The following SPATA16 variants were observed in gnomAD, a reference collection of about 807,000 sequenced individuals.
SPATA16 encodes the protein spermatogenesis associated 16, also known as spermatogenesis-associated protein 16.
SPATA16 carries 36 observed loss-of-function variants against 63.3 expected under a neutral mutation model. The ratio of observed to expected loss-of-function variants is 0.57; its 90% CI spans 0.44 to 0.75. The LOEUF (loss-of-function observed/expected upper bound fraction) is 0.75. Ranked by LOEUF, SPATA16 falls within the 30% of genes least tolerant of loss-of-function variation. The pLI is 0.00. For missense variants in SPATA16, 646 were observed against 679.3 expected, an observed-to-expected ratio of 0.95 and a Z score of 0.54; for synonymous variants, 203 against 216.7, an observed-to-expected ratio of 0.94 and a Z score of 0.56.
intron 2 of SPATA16, among the ~76,000 whole-genome samples, chr3:173,090,289 A>T (rs553283927): frequency 9.5e-4 from 145 of 152,164 alleles, no homozygotes; most frequent in African/African-American, 3.3e-3. Flanking sequence ...TTGTCATGTG[A>T]TGTGCCTGAT....
chr3:173,101,165 G>GATTACAT (rs969449342), intron 2 of SPATA16, among the ~76,000 whole-genome samples: 1 of 152,124 alleles, frequency 6.6e-6, no homozygotes, highest in African/African-American at 2.4e-5. Context: ...AGTGCAAGTG[G>GATTACAT]ATTACATATT....
chr3:172,955,447 G>T (rs1733546327), intron 6 of SPATA16, among the ~76,000 whole-genome samples: 1 of 152,060 alleles, frequency 6.6e-6, no homozygotes. Flanking sequence ...CAAAAAATAT[G>T]AGTTCGAAGA....
At chr3:172,921,943 A>G (rs945660943) in intron 8 of SPATA16, among the ~76,000 whole-genome samples, 2 of 152,228 alleles carry the variant, frequency 1.3e-5, no homozygotes, top group African/African-American at 4.8e-5. Flanking sequence ...AATAATGACA[A>G]TTCAATGCCT....
At chr3:173,051,993 C>T (rs1681082554) in intron 2 of SPATA16, among the ~76,000 whole-genome samples, 1 of 151,570 alleles carries the variant, frequency 6.6e-6, no homozygotes, top group Non-Finnish European at 1.5e-5. Flanking sequence ...GTATTTTCAG[C>T]AGAGACAGGG....
chr3:173,012,412 C>A (rs1197499758), intron 4 of SPATA16, among the ~76,000 whole-genome samples: 1 of 152,068 alleles, frequency 6.6e-6, no homozygotes, highest in African/African-American at 2.4e-5. Context: ...TTTTTCACAG[C>A]ATTGGAAAAA....
At chr3:172,953,636 A>G (rs918762402) in intron 6 of SPATA16, among the ~76,000 whole-genome samples, 1 of 152,214 alleles carries the variant, frequency 6.6e-6, no homozygotes, top group Non-Finnish European at 1.5e-5. Flanking sequence ...GTCCTGCTCA[A>G]GACGCCAGAG....
chr3:173,047,731 G>T (rs1040782231), intron 3 of SPATA16, among the ~76,000 whole-genome samples: 1 of 151,822 alleles, frequency 6.6e-6, no homozygotes, highest in Non-Finnish European at 1.5e-5. Flanking sequence ...TTGTTTGACC[G>T]ACCATATATC....
At chr3:173,100,968 G>C (rs532303459) in intron 2 of SPATA16, among the ~76,000 whole-genome samples, 4 of 152,216 alleles carry the variant, frequency 2.6e-5, no homozygotes, top group African/African-American at 9.6e-5. Context: ...TATCTTCATA[G>C]CAGTTTACAT....
intron 8 of SPATA16, among the ~76,000 whole-genome samples, chr3:172,921,585 A>G (rs888387655): frequency 7.9e-5 from 12 of 152,198 alleles, no homozygotes; most frequent in African/African-American, 2.9e-4. Flanking sequence ...AATTCACAGA[A>G]CACGAGTGGA....
chr3:173,139,049 A>T (rs1429722245), intron 1 of SPATA16, among the ~76,000 whole-genome samples: 1 of 152,192 alleles, frequency 6.6e-6, no homozygotes, highest in East Asian at 1.9e-4. Context: ...AGTCATAGCC[A>T]TTGGGTTCTG....
intron 2 of SPATA16, among the ~76,000 whole-genome samples, chr3:173,082,713 G>C (rs4312676): frequency 0.41 from 61,999 of 152,026 alleles, 13,875 homozygotes; most frequent in African/African-American, 0.6. Context: ...CCCTCACCCC[G>C]TGTGCCTCTC....
intron 6 of SPATA16, among the ~76,000 whole-genome samples, chr3:172,946,437 G>A (rs55962166): frequency 0.11 from 8,438 of 74,260 alleles, 339 homozygotes; most frequent in Non-Finnish European, 0.14. Context: ...TTCTGGATCC[G>A]CCCTGGGCCA....
chr3:172,943,054 T>G (rs1733196253), intron 6 of SPATA16, among the ~76,000 whole-genome samples: 4 of 152,164 alleles, frequency 2.6e-5, no homozygotes. Context: ...ATTTATAGTC[T>G]TTACTAAAAA....
At chr3:173,017,724 A>G (rs1425983588) in intron 4 of SPATA16, among the ~76,000 whole-genome samples, 1 of 152,196 alleles carries the variant, frequency 6.6e-6, no homozygotes, top group African/African-American at 2.4e-5. Flanking sequence ...TAGTTCTGAA[A>G]TTGTGTCTAG....
chr3:173,012,765 A>G (rs1346641919), intron 4 of SPATA16, among the ~76,000 whole-genome samples: 1 of 152,264 alleles, frequency 6.6e-6, no homozygotes, highest in Non-Finnish European at 1.5e-5. Flanking sequence ...TTCACCATAC[A>G]CAAAAATTAA....
intron 1 of SPATA16, among the ~76,000 whole-genome samples, chr3:173,120,182 G>C (rs1024555893): frequency 1.3e-5 from 2 of 152,018 alleles, no homozygotes; most frequent in Non-Finnish European, 2.9e-5. Flanking sequence ...AGCAAGAGTG[G>C]CATGGGGAAA....
intron 6 of SPATA16, among the ~76,000 whole-genome samples, chr3:172,931,016 G>A (rs1047246881): frequency 6.6e-6 from 1 of 150,966 alleles, no homozygotes; most frequent in Admixed American, 6.6e-5. Context: ...TAGAGATGGG[G>A]TTTCGCCTTG....
chr3:173,134,038 A>G (rs1738460247), intron 1 of SPATA16, among the ~76,000 whole-genome samples: 2 of 152,220 alleles, frequency 1.3e-5, no homozygotes, highest in Non-Finnish European at 2.9e-5. Context: ...AAGAAGAACA[A>G]AGCTGACAGA....
rs9810956 is a variant in SPATA16 at position 173,105,792 on chromosome 3, C to T, written c.612+11328G>A. Among the ~76,000 whole-genome samples the T allele has an allele frequency of 4.9e-5, 6 of 122,454 alleles. No individual in the cohort carries two copies. In the Admixed American group the frequency reaches 5.7e-4, roughly 12 times the overall value. The allele number at this position is 122,454 out of a possible 152,430, so 80.3% of individuals were successfully genotyped here. On this transcript the variant is annotated intron_variant, in intron 2 of 10. Transcript: ENST00000351008. ...CCCTCCCTCCCTGTCTTCATCCCTC[C>T]CTCTCTCCCTTCCTCCCTTCCTTCC...
Sources: allele counts gnomAD v4.1 joint callset (sites outside exome capture counted in the v4.1 genomes callset), GRCh38; gene constraint gnomAD v4.1.1; transcripts MANE v1.5; gene names NCBI Gene and HGNC (gene_info 2026-07-23, HGNC 2026-07-21).